PUS10: variants seen among roughly 807,000 people sequenced by gnomAD.
PUS10 encodes pseudouridine synthase 10.
A neutral mutation model predicts 75.0 loss-of-function variants in PUS10; 59 were observed. That is an observed-to-expected ratio of 0.79 (90% CI 0.64 to 0.98). The LOEUF is 0.98. Among genes scored for constraint, PUS10 ranks in the 50% least tolerant of loss-of-function variants. The pLI, the probability that PUS10 is intolerant of heterozygous loss-of-function variation, is 0.00. For missense variants in PUS10, 650 were observed against 614.4 expected (o/e 1.06, Z -0.61); for synonymous variants, 219 against 211.6 (o/e 1.03, Z -0.30).
intron 16 of PUS10, 83 bp from the exon 17 acceptor site, chr2:60,945,191 G>C: frequency 1.2e-6 from 1 of 831,764 alleles, no homozygotes; most frequent in South Asian, 1.4e-5. Flanking sequence ...ATAATAATAA[G>C]AGCAGAAATG....
At chr2:60,986,508 T>C (rs1677732680) in intron 4 of PUS10, among the ~76,000 whole-genome samples, 1 of 152,224 alleles carries the variant, frequency 6.6e-6, no homozygotes, top group Non-Finnish European at 1.5e-5. Flanking sequence ...ATAATTTTAT[T>C]TTTAAAGAAA....
chr2:60,979,977 G>GT (rs1223539727), intron 4 of PUS10, among the ~76,000 whole-genome samples: 1 of 152,168 alleles, frequency 6.6e-6, no homozygotes, highest in Non-Finnish European at 1.5e-5. Context: ...TTCCAACACT[G>GT]TAGGTGCTGA....
intron 8 of PUS10, among the ~76,000 whole-genome samples, chr2:60,963,332 G>A (rs1276447020): frequency 6.6e-6 from 1 of 152,180 alleles, no homozygotes; most frequent in African/African-American, 2.4e-5. Flanking sequence ...TAATTTAGGA[G>A]TTGGCTGCCA....
intron 1 of PUS10, among the ~76,000 whole-genome samples, chr2:61,013,933 T>C (rs772130483): frequency 5.3e-5 from 8 of 150,472 alleles, no homozygotes; most frequent in Non-Finnish European, 1.2e-4. Flanking sequence ...AGTGAGATGC[T>C]GTCTCAAAAA....
intron 16 of PUS10, among the ~76,000 whole-genome samples, chr2:60,946,851 T>TAC (rs896165114): frequency 6.6e-6 from 1 of 151,448 alleles, no homozygotes; most frequent in East Asian, 1.9e-4. Context: ...GTAATATATA[T>TAC]ATATAGACAC....
intron 1 of PUS10, chr2:61,017,323 T>G (rs578139909): frequency 1.9e-5 from 3 of 158,592 alleles, no homozygotes; most frequent in South Asian, 1.8e-4. Flanking sequence ...CTAAGTGAGC[T>G]TCTCCCTTCT....
chr2:60,958,628 A>C (rs1208585603), intron 11 of PUS10, among the ~76,000 whole-genome samples: 1 of 152,190 alleles, frequency 6.6e-6, no homozygotes, highest in Non-Finnish European at 1.5e-5. Flanking sequence ...TCACGCCTGT[A>C]ATCTCAGCGC....
chr2:60,991,724 GA>G (rs1305649312), intron 4 of PUS10, among the ~76,000 whole-genome samples: 7 of 152,240 alleles, frequency 4.6e-5, no homozygotes, highest in East Asian at 1.9e-4. Flanking sequence ...TGATATGTGT[GA>G]GGGGGTAGAA....
chr2:60,953,375 C>A (rs574929497), intron 14 of PUS10, among the ~76,000 whole-genome samples: 9 of 152,284 alleles, frequency 5.9e-5, no homozygotes, highest in African/African-American at 1.2e-4. Context: ...CCTAGACAAC[C>A]ATTAACTGAC....
intron 4 of PUS10, among the ~76,000 whole-genome samples, chr2:61,001,617 C>G (rs1370064364): frequency 4.6e-5 from 7 of 152,172 alleles, no homozygotes; most frequent in Admixed American, 4.6e-4. Context: ...TTCACCTTTC[C>G]TGTATTTCTT....
chr2:60,986,567 A>T (rs1677735700), intron 4 of PUS10, among the ~76,000 whole-genome samples: 1 of 152,214 alleles, frequency 6.6e-6, no homozygotes, highest in Non-Finnish European at 1.5e-5. Flanking sequence ...AATTATATGA[A>T]TTTTGTGAAA....
intron 4 of PUS10, among the ~76,000 whole-genome samples, chr2:60,974,086 C>T (rs1186968518): frequency 1.3e-5 from 2 of 152,054 alleles, no homozygotes; most frequent in Non-Finnish European, 2.9e-5. Context: ...GGACGACCTG[C>T]CTGCACAGAG....
chr2:61,013,822 CAAGACCAGCCTGACCAACATGGTGA>C (rs1482613978), intron 1 of PUS10, among the ~76,000 whole-genome samples: 2 of 150,814 alleles, frequency 1.3e-5, no homozygotes, highest in Non-Finnish European at 3.0e-5. Flanking sequence ...GTCAGGAGTT[CAAGACCAGCCTGACCAACATGGTGA>C]AACCTTGTCT....
Position 61,018,048 on chromosome 2 carries a change from C to T in PUS10, c.-56G>A. 1 of 1,459,108 alleles carries T rather than the reference C, an allele frequency of 6.9e-7. No homozygotes were observed. Among genetic ancestry groups the T allele is most frequent in the Non-Finnish European group, 9.1e-7 (1 of 1,095,450 alleles). The allele number at this position is 1,459,108 out of a possible 1,614,324, so 90.4% of individuals were successfully genotyped here. The stretch of plus-strand genomic sequence containing the variant: ...TGTCTCACAGCTGTTTCTGACCCGG[C>T]AGCTCTAATCAGCAACGTTTTTTTC... On this transcript the variant is annotated 5_prime_UTR_variant, in exon 1 of 18. Transcript: ENST00000316752.
chr2:60,975,869 C>A (rs896852753), intron 4 of PUS10, among the ~76,000 whole-genome samples: 10 of 152,146 alleles, frequency 6.6e-5, no homozygotes, highest in Non-Finnish European at 1.3e-4. Flanking sequence ...TCAAACGATT[C>A]TCCTGCCTCA....
intron 4 of PUS10, among the ~76,000 whole-genome samples, chr2:60,985,984 G>A (rs1677700988): frequency 6.7e-6 from 1 of 150,126 alleles, no homozygotes; most frequent in Non-Finnish European, 1.5e-5. Context: ...TTTTGCATCA[G>A]GGAAATCAAA....
At chr2:60,993,866 T>C (rs1678274227) in intron 4 of PUS10, among the ~76,000 whole-genome samples, 2 of 152,128 alleles carry the variant, frequency 1.3e-5, no homozygotes. Context: ...CTCGGCTCAC[T>C]GCAAGTTCCG....
chr2:60,947,409 C>A (rs569999834), intron 16 of PUS10, among the ~76,000 whole-genome samples: 1 of 152,176 alleles, frequency 6.6e-6, no homozygotes, highest in Non-Finnish European at 1.5e-5. Context: ...AATGTCAAGA[C>A]AGCAAATGAA....
chr2:60,961,866 A>G (rs1676047314), intron 9 of PUS10, among the ~76,000 whole-genome samples: 1 of 152,216 alleles, frequency 6.6e-6, no homozygotes, highest in Admixed American at 6.5e-5. Flanking sequence ...CATACATAGG[A>G]AGTGGAAGCC....
Sources: allele counts gnomAD v4.1 joint callset (sites outside exome capture counted in the v4.1 genomes callset), GRCh38; gene constraint gnomAD v4.1.1; transcripts MANE v1.5; gene names NCBI Gene and HGNC (gene_info 2026-07-23, HGNC 2026-07-21).